The following MTBP variants were observed in gnomAD, a reference collection of about 807,000 sequenced individuals.
The protein encoded by MTBP is MDM2 binding protein.
MTBP carries 101 observed loss-of-function variants against 117.0 expected under a neutral mutation model. The ratio of observed to expected loss-of-function variants is 0.86; its 90% CI spans 0.73 to 1.02. The LOEUF (loss-of-function observed/expected upper bound fraction) is 1.02. Among genes scored for constraint, MTBP ranks in the 50% least tolerant of loss-of-function variants. The probability of loss-of-function intolerance (pLI) is 0.00; values close to 1 mark genes in which losing one functional copy is unlikely to be tolerated. For synonymous variants in MTBP, 350 were observed against 351.5 expected (o/e 1.00, Z 0.05); for missense variants, 970 against 1,030.9 (o/e 0.94, Z 0.81).
chr8:120,513,680 A>G (rs1814860765), intron 17 of MTBP, among the ~76,000 whole-genome samples: 1 of 152,036 alleles, frequency 6.6e-6, no homozygotes, highest in Non-Finnish European at 1.5e-5. Flanking sequence ...TAAGGTAGAA[A>G]GAAATATTCA....
chr8:120,474,732 AT>A (rs1813896789), intron 11 of MTBP, among the ~76,000 whole-genome samples: 5 of 152,032 alleles, frequency 3.3e-5, no homozygotes, highest in Admixed American at 3.3e-4. Context: ...TGTATCAAGC[AT>A]GGTACTGTTA....
intron 17 of MTBP, among the ~76,000 whole-genome samples, chr8:120,511,793 A>T (rs66711862): frequency 6.6e-6 from 1 of 152,018 alleles, no homozygotes; most frequent in East Asian, 1.9e-4. Flanking sequence ...ACCTAACTGC[A>T]TCCCAGTTTT....
chr8:120,523,361 A>T lies in MTBP; in HGVS notation c.*25A>T, dbSNP rs747748209. 1 of 1,433,362 alleles carries T rather than the reference A, an allele frequency of 7.0e-7. No homozygotes were observed. The highest frequency in any genetic ancestry group is 9.5e-7 in the Non-Finnish European group (1 of 1,051,110). The allele number at this position is 1,433,362 out of a possible 1,614,324, so 88.8% of individuals were successfully genotyped here. A position where few individuals can be genotyped will look rare whatever the true frequency, so the allele number is the denominator to read the frequency against. On this transcript the variant is annotated 3_prime_UTR_variant, in exon 22 of 22. Coordinates refer to ENST00000305949, the MANE Select transcript of MTBP (RefSeq NM_022045.5). The stretch of plus-strand genomic sequence containing the variant: ...ATACATAATCATTCTCTTTAAGACA[A>T]TTATAAATTGGATGGAGCTATTATT...
In MTBP at chr8:120,451,211, A is replaced by G. The variant is rs756589771; in HGVS notation, c.314A>G (p.Glu105Gly). The G allele has an allele frequency of 3.7e-6, 6 of 1,610,704 alleles. No homozygotes were observed. Among genetic ancestry groups the G allele is most frequent in the Non-Finnish European group, 5.1e-6 (6 of 1,177,606 alleles). ...TGGCAAGAGATACATTTTGATACAGAAAAAGATAAAATTGAAGATGTTCTT... is the reference window on the plus strand; with the variant it reads ...TGGCAAGAGATACATTTTGATACAGGAAAAGATAAAATTGAAGATGTTCTT... ...SDWQEIHFDT[E>G]KDKIEDVLQT... Residue 105 changes from glutamate to glycine, a missense_variant, in exon 4 of 22, where the codon GAA becomes GGA. Physicochemically the swap from Glu to Gly is moderately conservative, Grantham distance 98. Coordinates refer to ENST00000305949, the MANE Select transcript of MTBP (RefSeq NM_022045.5).
intron 20 of MTBP, 44 bp downstream of exon 20, chr8:120,518,861 T>C: frequency 7.6e-7 from 1 of 1,322,522 alleles, no homozygotes; most frequent in Admixed American, 2.1e-5. Context: ...GTTCATGTTC[T>C]AATGTTCCTG....
intron 16 of MTBP, among the ~76,000 whole-genome samples, chr8:120,507,957 A>G (rs1814724132): frequency 7.3e-6 from 1 of 137,836 alleles, no homozygotes; most frequent in African/African-American, 2.5e-5. Context: ...CCTAAACTGA[A>G]TTATTTATGT....
At chr8:120,495,881 C>T (rs190242931) in intron 13 of MTBP, among the ~76,000 whole-genome samples, 3 of 152,166 alleles carry the variant, frequency 2.0e-5, no homozygotes, top group Admixed American at 1.3e-4. Flanking sequence ...TTCTGCTGGA[C>T]TCCCTTTTTT....
intron 10 of MTBP, among the ~76,000 whole-genome samples, chr8:120,464,438 A>G (rs951614174): frequency 6.6e-6 from 1 of 151,112 alleles, no homozygotes; most frequent in Non-Finnish European, 1.5e-5. Context: ...TTTAATGCAC[A>G]AAATCTTTAT....
chr8:120,463,686 G>C lies in MTBP; in HGVS notation c.978-6G>C, dbSNP rs1421084805. On this transcript the variant is annotated splice_region_variant and splice_polypyrimidine_tract_variant and intron_variant, in intron 9 of 21. Transcript: ENST00000305949. ...ATTACATCATTTCTTTAACTCCTTA[G>C]TACAGAGGATTGACAAACAGTACCA... The C allele has an allele frequency of 1.2e-6, 2 of 1,607,982 alleles. No homozygotes were observed. The highest frequency in any genetic ancestry group is 4.5e-5 in the East Asian group (2 of 44,726).
At chr8:120,481,367 A>G (rs1291356712) in intron 11 of MTBP, among the ~76,000 whole-genome samples, 2 of 152,216 alleles carry the variant, frequency 1.3e-5, no homozygotes, top group Non-Finnish European at 2.9e-5. Context: ...AAAGGCTTAT[A>G]TGCAGGTGTT....
intron 10 of MTBP, among the ~76,000 whole-genome samples, chr8:120,464,792 T>G (rs183269332): frequency 6.6e-6 from 1 of 152,084 alleles, no homozygotes; most frequent in Non-Finnish European, 1.5e-5. Flanking sequence ...TTTACTAAAT[T>G]TTGAAATTTT....
intron 13 of MTBP, among the ~76,000 whole-genome samples, chr8:120,491,776 C>G (rs947156394): frequency 6.6e-6 from 1 of 152,170 alleles, no homozygotes; most frequent in African/African-American, 2.4e-5. Context: ...TTCATCTTCA[C>G]CTCTGTTCCT....
intron 16 of MTBP, among the ~76,000 whole-genome samples, chr8:120,508,987 A>G (rs7007857): frequency 0.55 from 83,536 of 152,048 alleles, 25,374 homozygotes; most frequent in Non-Finnish European, 0.67. Context: ...AAAGGCTTGA[A>G]CATGAATATT....
At chr8:120,447,979 T>A (rs1315357339) in intron 2 of MTBP, among the ~76,000 whole-genome samples, 1 of 151,964 alleles carries the variant, frequency 6.6e-6, no homozygotes, top group African/African-American at 2.4e-5. Context: ...CAGGCTGGAG[T>A]CCAGTGGCTC....
chr8:120,458,220 T>C (rs560439728), intron 7 of MTBP, among the ~76,000 whole-genome samples: 1 of 152,316 alleles, frequency 6.6e-6, no homozygotes, highest in South Asian at 2.1e-4. Flanking sequence ...GGACATAGAT[T>C]CTAGAGTTAT....
At chr8:120,503,652 A>G (rs1382812912) in intron 15 of MTBP, among the ~76,000 whole-genome samples, 1 of 152,116 alleles carries the variant, frequency 6.6e-6, no homozygotes, top group African/African-American at 2.4e-5. Context: ...GTGATGGGAT[A>G]TGATTTTGCA....
At chr8:120,510,251 T>C (rs1294580132) in intron 17 of MTBP, among the ~76,000 whole-genome samples, 1 of 152,200 alleles carries the variant, frequency 6.6e-6, no homozygotes, top group Non-Finnish European at 1.5e-5. Context: ...CTATTATTAG[T>C]TACTATATAT....
intron 13 of MTBP, among the ~76,000 whole-genome samples, chr8:120,491,491 GT>G (rs1436518498): frequency 6.6e-6 from 1 of 151,998 alleles, no homozygotes; most frequent in Non-Finnish European, 1.5e-5. Flanking sequence ...CGAAAATGAT[GT>G]TTGCTCAAGG....
intron 13 of MTBP, among the ~76,000 whole-genome samples, chr8:120,491,669 T>C (rs1814349939): frequency 6.6e-6 from 1 of 152,230 alleles, no homozygotes; most frequent in African/African-American, 2.4e-5. Context: ...TTTTTTAACT[T>C]TGCTCTATTC....
Sources: allele counts gnomAD v4.1 joint callset (sites outside exome capture counted in the v4.1 genomes callset), GRCh38; gene constraint gnomAD v4.1.1; transcripts MANE v1.5; gene names NCBI Gene and HGNC (gene_info 2026-07-23, HGNC 2026-07-21).